Variants in CSMD1 observed in about 807,000 individuals in gnomAD.
The protein encoded by CSMD1 is CUB and sushi domain-containing protein 1.
In CSMD1, 213 loss-of-function variants were observed where a neutral mutation model predicts 417.5. The ratio of observed to expected loss-of-function variants is 0.51; its 90% CI spans 0.46 to 0.57. CSMD1 has a LOEUF of 0.57. CSMD1 is among the 20% of genes least tolerant of loss of function. The pLI, the probability that CSMD1 is intolerant of heterozygous loss-of-function variation, is 0.00. For synonymous variants in CSMD1, 2,862 were observed against 1,736.8 expected (o/e 1.65, Z -16.11); for missense variants, 6,923 against 4,529.7 (o/e 1.53, Z -15.17).
intron 5 of CSMD1, among the ~76,000 whole-genome samples, chr8:3,767,291 T>C (rs982094430): frequency 6.6e-6 from 1 of 152,240 alleles, no homozygotes; most frequent in Non-Finnish European, 1.5e-5. Context: ...CTGCACACTC[T>C]GCAATGGTGT....
chr8:3,720,654 C>CACACACACAT (rs1166821267), intron 6 of CSMD1, among the ~76,000 whole-genome samples: 1 of 151,950 alleles, frequency 6.6e-6, no homozygotes, highest in Non-Finnish European at 1.5e-5. Flanking sequence ...CACACACACA[C>CACACACACAT]ACCAGCACAT....
At chr8:4,300,977 T>C (rs779783965) in intron 3 of CSMD1, among the ~76,000 whole-genome samples, 4 of 152,186 alleles carry the variant, frequency 2.6e-5, no homozygotes, top group African/African-American at 9.7e-5. Context: ...CTATTGTAAA[T>C]AGTGCACTAT....
intron 3 of CSMD1, among the ~76,000 whole-genome samples, chr8:4,065,281 G>A (rs1375918373): frequency 6.6e-6 from 1 of 152,188 alleles, no homozygotes; most frequent in African/African-American, 2.4e-5. Flanking sequence ...CTGTTGGGCA[G>A]TGCTTCCCCA....
At chr8:4,236,416 G>C (rs199563238) in intron 3 of CSMD1, among the ~76,000 whole-genome samples, 2 of 152,056 alleles carry the variant, frequency 1.3e-5, no homozygotes, top group South Asian at 2.1e-4. Flanking sequence ...AGCCAGTCAA[G>C]AATTTTTCTC....
At chr8:3,412,589 G>GCA (rs1474359838) in intron 12 of CSMD1, among the ~76,000 whole-genome samples, 1 of 152,166 alleles carries the variant, frequency 6.6e-6, no homozygotes, top group Non-Finnish European at 1.5e-5. Context: ...AAGCAGAAGA[G>GCA]CACACACACA....
At chr8:3,166,214 T>G (rs1294608587) in intron 37 of CSMD1, among the ~76,000 whole-genome samples, 4 of 152,140 alleles carry the variant, frequency 2.6e-5, no homozygotes, top group Non-Finnish European at 4.4e-5. Flanking sequence ...TAAAAAGAAT[T>G]ATGTATGATA....
chr8:4,607,926 T>C (rs761268115), intron 2 of CSMD1, among the ~76,000 whole-genome samples: 19 of 152,194 alleles, frequency 1.2e-4, no homozygotes, highest in Non-Finnish European at 2.2e-4. Context: ...CTGGCTAGTG[T>C]TGAGGTCTCA....
intron 37 of CSMD1, among the ~76,000 whole-genome samples, chr8:3,170,435 C>T (rs1034878396): frequency 6.6e-6 from 1 of 152,192 alleles, no homozygotes; most frequent in African/African-American, 2.4e-5. Context: ...GTCTCGATCT[C>T]CTGACCTTGT....
chr8:3,665,292 G>C (rs1302505247), intron 7 of CSMD1, among the ~76,000 whole-genome samples: 3 of 152,134 alleles, frequency 2.0e-5, no homozygotes, highest in South Asian at 2.1e-4. Flanking sequence ...CACTTTAGGA[G>C]GCTGAGGTGG....
intron 33 of CSMD1, among the ~76,000 whole-genome samples, chr8:3,194,052 C>G (rs1474519367): frequency 6.6e-6 from 1 of 152,106 alleles, no homozygotes; most frequent in Admixed American, 6.6e-5. Flanking sequence ...AAAATCATTC[C>G]TCTCTCATCG....
At chr8:3,680,748 T>C (rs891473237) in intron 7 of CSMD1, among the ~76,000 whole-genome samples, 72 of 152,126 alleles carry the variant, frequency 4.7e-4, no homozygotes, top group Non-Finnish European at 7.3e-5. Context: ...AAGAGAATTT[T>C]AGACCAATAT....
At chr8:4,589,876 T>G (rs1799898004) in intron 2 of CSMD1, among the ~76,000 whole-genome samples, 1 of 152,192 alleles carries the variant, frequency 6.6e-6, no homozygotes, top group Non-Finnish European at 1.5e-5. Context: ...ATCAGGAGCC[T>G]GATGCCACTG....
intron 50 of CSMD1, 120 bp from the exon 51 acceptor site, chr8:3,029,633 C>T: frequency 1.3e-6 from 1 of 754,146 alleles, no homozygotes; most frequent in Non-Finnish European, 2.1e-6. Context: ...AAGTTGATGC[C>T]ATTACGTATT....
intron 10 of CSMD1, among the ~76,000 whole-genome samples, chr8:3,566,439 C>T (rs144422136): frequency 1.3e-5 from 2 of 152,128 alleles, no homozygotes; most frequent in East Asian, 3.9e-4. Context: ...ACCACTGTAC[C>T]TAGGGACCAC....
chr8:4,103,898 G>A (rs1002974914), intron 3 of CSMD1, among the ~76,000 whole-genome samples: 2 of 152,178 alleles, frequency 1.3e-5, no homozygotes, highest in African/African-American at 4.8e-5. Context: ...GTTCTCTCCA[G>A]GTTCCCAAGG....
intron 3 of CSMD1, among the ~76,000 whole-genome samples, chr8:4,057,435 C>A (rs1317385162): frequency 2.0e-5 from 3 of 151,976 alleles, no homozygotes; most frequent in African/African-American, 7.3e-5. Context: ...GGATGTTAGC[C>A]CTTTGTCAGA....
At chr8:4,191,852 A>G (rs779130) in intron 3 of CSMD1, among the ~76,000 whole-genome samples, 17,168 of 152,166 alleles carry the variant, frequency 0.11, 1,233 homozygotes, top group Middle Eastern at 0.22. Flanking sequence ...ATCAACAGTC[A>G]GTTTCCAGAC....
intron 1 of CSMD1, among the ~76,000 whole-genome samples, chr8:4,918,590 G>C (rs375149964): frequency 1.4e-4 from 22 of 152,164 alleles, no homozygotes; most frequent in African/African-American, 4.6e-4. Flanking sequence ...GCTTTAAAAA[G>C]ACACAAAGCT....
intron 1 of CSMD1, among the ~76,000 whole-genome samples, chr8:4,648,456 T>C (rs954133475): frequency 6.6e-6 from 1 of 152,058 alleles, no homozygotes; most frequent in Non-Finnish European, 1.5e-5. Flanking sequence ...ATGAAATAGA[T>C]CTTCCTCACA....
Sources: allele counts gnomAD v4.1 joint callset (sites outside exome capture counted in the v4.1 genomes callset), GRCh38; gene constraint gnomAD v4.1.1; transcripts MANE v1.5; gene names NCBI Gene and HGNC (gene_info 2026-07-23, HGNC 2026-07-21).